Variants in NRG3 observed in about 807,000 individuals in gnomAD.
NRG3 encodes neuregulin 3.
In NRG3, 31 loss-of-function variants were observed where a neutral mutation model predicts 66.9. The ratio of observed to expected loss-of-function variants is 0.46; its 90% CI spans 0.35 to 0.63. NRG3 has a LOEUF of 0.63. Ranked by LOEUF, NRG3 falls within the 20% of genes least tolerant of loss-of-function variation. The pLI is 0.00. For synonymous variants in NRG3, 393 were observed against 359.4 expected (o/e 1.09, Z -1.06); for missense variants, 910 against 878.9 (o/e 1.04, Z -0.45).
At position 82,938,574 on chromosome 10, in the gene NRG3, C is replaced by G. The variant is rs191883387; in HGVS notation, c.1055-12895C>G. On this transcript the variant is annotated intron_variant, in intron 4 of 8. Transcript: ENST00000372141. ...GTTTGTAGATCTTCCAGGATCACTG[C>G]CAATACCTGTGGTAAAGGAGTTAGA... Among the ~76,000 whole-genome samples, 126 of 152,304 alleles carry G rather than the reference C, an allele frequency of 8.3e-4. 1 individual carries two copies. Among genetic ancestry groups the G allele is most frequent in the African/African-American group, 2.8e-3 (118 of 41,566 alleles).
chr10:82,856,276 AAG>A lies in NRG3; in HGVS notation c.1028-9132_1028-9131del, dbSNP rs140224933. Reference sequence around the variant, plus strand: ...ACTCTGTGATAGGGTGGAGCAATGAAAGAGTGAGAAAAAGAAACAACTACCCT... The same window carrying A: ...ACTCTGTGATAGGGTGGAGCAATGAAAGTGAGAAAAAGAAACAACTACCCT... On this transcript the variant is annotated intron_variant, in intron 3 of 8. Coordinates refer to ENST00000372141, the MANE Select transcript of NRG3 (RefSeq NM_001010848.4). 2.1e-3 allele frequency among the ~76,000 whole-genome samples: 316 copies of A among 152,278 alleles called. 2 individuals are homozygous for A. The highest frequency in any genetic ancestry group is 7.1e-3 in the African/African-American group (294 of 41,546).
chr10:82,351,907 T>C (rs565628903), intron 1 of NRG3, among the ~76,000 whole-genome samples: 2 of 152,342 alleles, frequency 1.3e-5, no homozygotes, highest in African/African-American at 4.8e-5. Context: ...CTCCAGCATA[T>C]TGGATTTGTA....
chr10:82,332,367 A>G (rs2082178748), intron 1 of NRG3, among the ~76,000 whole-genome samples: 1 of 152,158 alleles, frequency 6.6e-6, no homozygotes, highest in African/African-American at 2.4e-5. Flanking sequence ...AACCAGGGTA[A>G]TGGGGAGCGG....
At chr10:82,345,295 T>A (rs2135433155) in intron 1 of NRG3, among the ~76,000 whole-genome samples, 1 of 131,328 alleles carries the variant, frequency 7.6e-6, no homozygotes, top group Middle Eastern at 3.8e-3. Flanking sequence ...TAGCTAGTTT[T>A]CCAAACACCA....
chr10:82,916,028 CA>C (rs915882603), intron 4 of NRG3, among the ~76,000 whole-genome samples: 1 of 151,814 alleles, frequency 6.6e-6, no homozygotes, highest in South Asian at 2.1e-4. Context: ...TGGAGGAAGG[CA>C]AAAAAATCCA....
At chr10:82,734,034 G>T (rs2820105) in intron 2 of NRG3, among the ~76,000 whole-genome samples, 3,038 of 152,066 alleles carry the variant, frequency 0.02, 54 homozygotes, top group Middle Eastern at 0.034. Context: ...TCTTCCTTAG[G>T]GTCCTCCACA....
intron 1 of NRG3, among the ~76,000 whole-genome samples, chr10:82,346,521 A>G (rs1316202720): frequency 2.0e-5 from 3 of 151,854 alleles, no homozygotes; most frequent in African/African-American, 7.3e-5. Flanking sequence ...TTGGTCTAAA[A>G]TTCTCTTTTT....
chr10:82,504,899 C>G (rs1030192309), intron 2 of NRG3, among the ~76,000 whole-genome samples: 1 of 151,592 alleles, frequency 6.6e-6, no homozygotes, highest in African/African-American at 2.4e-5. Flanking sequence ...ACAGCATAAA[C>G]ACACATTCCC....
rs551897635 is a variant in NRG3 at position 81,993,299 on chromosome 10, C to G, written c.823+117136C>G. On this transcript the variant is annotated intron_variant, in intron 1 of 8. Transcript: ENST00000372141. Reference sequence around the variant, plus strand: ...AGCCTAGAGAGAGGATATTAGTTGACCATGAGCACACAGCTTAGTTTAAAG... The same window carrying G: ...AGCCTAGAGAGAGGATATTAGTTGAGCATGAGCACACAGCTTAGTTTAAAG... 1.6e-4 allele frequency among the ~76,000 whole-genome samples: 24 copies of G among 152,198 alleles called. No homozygotes were observed. In the South Asian group the frequency reaches 4.4e-3, roughly 28 times the overall value.
At chr10:82,311,610 G>A (rs529652361) in intron 1 of NRG3, among the ~76,000 whole-genome samples, 1 of 152,318 alleles carries the variant, frequency 6.6e-6, no homozygotes, top group Non-Finnish European at 1.5e-5. Context: ...GTGGCAGGTA[G>A]GATCAGGAAA....
intron 2 of NRG3, among the ~76,000 whole-genome samples, chr10:82,589,643 G>T (rs1291240908): frequency 2.0e-5 from 3 of 152,086 alleles, no homozygotes; most frequent in Non-Finnish European, 4.4e-5. Flanking sequence ...AGGTGGACAG[G>T]GGCTTTGATT....
At chr10:82,134,693 G>T (rs1439482549) in intron 1 of NRG3, among the ~76,000 whole-genome samples, 3 of 152,076 alleles carry the variant, frequency 2.0e-5, no homozygotes, top group Admixed American at 6.6e-5. Context: ...TGGGCAACAT[G>T]ATGCCTCCAG....
At chr10:81,955,039 T>C (rs1394131179) in intron 1 of NRG3, among the ~76,000 whole-genome samples, 1 of 151,616 alleles carries the variant, frequency 6.6e-6, no homozygotes, top group East Asian at 1.9e-4. Context: ...AACATATATG[T>C]ATGTTCTGTT....
intron 1 of NRG3, among the ~76,000 whole-genome samples, chr10:81,882,264 C>T (rs773239348): frequency 3.3e-5 from 5 of 152,032 alleles, no homozygotes; most frequent in Non-Finnish European, 5.9e-5. Flanking sequence ...GTGTTCCTGC[C>T]AGGCAGTGTG....
intron 2 of NRG3, among the ~76,000 whole-genome samples, chr10:82,459,913 A>G (rs2091436875): frequency 6.6e-6 from 1 of 152,226 alleles, no homozygotes; most frequent in African/African-American, 2.4e-5. Context: ...TGTCAGGAGT[A>G]TGATACGGAA....
chr10:81,998,629 A>G (rs2061039439), intron 1 of NRG3, among the ~76,000 whole-genome samples: 1 of 152,316 alleles, frequency 6.6e-6, no homozygotes, highest in South Asian at 2.1e-4. Context: ...GGAATAAATG[A>G]TGCACAAGTG....
chr10:81,900,154 G>C (rs1450098849), intron 1 of NRG3, among the ~76,000 whole-genome samples: 2 of 152,024 alleles, frequency 1.3e-5, no homozygotes, highest in Admixed American at 1.3e-4. Flanking sequence ...TCACCATGTT[G>C]TCCAGGCTGG....
At position 82,838,979 on chromosome 10, in the gene NRG3, C is replaced by T. The variant is rs201110581; in HGVS notation, c.1028-26432C>T. Among the ~76,000 whole-genome samples the T allele has an allele frequency of 1.2e-4, 18 of 152,196 alleles. No individual in the cohort carries two copies. In the East Asian group the frequency reaches 3.3e-3, roughly 28 times the overall value. On this transcript the variant is annotated intron_variant, in intron 3 of 8. Coordinates refer to ENST00000372141, the MANE Select transcript of NRG3 (RefSeq NM_001010848.4). ...GCGAAAAGGGTTTCCTCTTATAAAA[C>T]CATCAGATCAGATCTTGTGAGACTT... is the stretch of plus-strand genomic sequence containing the variant.
chr10:82,332,988 A>G (rs2082210607), intron 1 of NRG3, among the ~76,000 whole-genome samples: 1 of 152,246 alleles, frequency 6.6e-6, no homozygotes, highest in Non-Finnish European at 1.5e-5. Context: ...TCACACAGAA[A>G]GGATCAACAA....
Sources: gnomAD v4.1 joint callset for allele counts (sites outside exome capture counted in the v4.1 genomes callset) on GRCh38, gnomAD v4.1.1 for gene constraint, MANE v1.5 for transcripts, NCBI Gene and HGNC (gene_info 2026-07-23, HGNC 2026-07-21) for gene names.